The following PPAT variants were observed in gnomAD, a reference collection of about 807,000 sequenced individuals.
PPAT encodes the protein amidophosphoribosyltransferase.
Under a neutral mutation model 60.2 loss-of-function variants are expected in PPAT, and 20 were observed. That is an observed-to-expected ratio of 0.33 (90% CI 0.23 to 0.48). The LOEUF is 0.48. PPAT is among the 20% of genes least tolerant of loss of function. PPAT has a pLI of 0.99. For missense variants in PPAT, 349 were observed against 629.6 expected (o/e 0.55, Z 4.77); for synonymous variants, 194 against 215.1 (o/e 0.90, Z 0.86).
chr4:56,418,976 C>CT (rs1225813643), intron 1 of PPAT, among the ~76,000 whole-genome samples: 1 of 152,166 alleles, frequency 6.6e-6, no homozygotes, highest in African/African-American at 2.4e-5. Context: ...TGGCTTTAGT[C>CT]TTTCTGTAAT....
intron 1 of PPAT, among the ~76,000 whole-genome samples, chr4:56,434,735 CATTTA>C (rs1382821986): frequency 3.3e-5 from 5 of 152,066 alleles, no homozygotes; most frequent in African/African-American, 1.2e-4. Flanking sequence ...GGCTTATTTC[CATTTA>C]ATTTATGTGA....
rs1272747762 is a variant in PPAT at position 56,394,017 on chromosome 4, A to G, written c.*1335T>C. The G allele has an allele frequency of 6.6e-6, 1 of 152,232 alleles. No individual in the cohort carries two copies. Among genetic ancestry groups the G allele is most frequent in the African/African-American group, 2.4e-5 (1 of 41,456 alleles). The allele number at this position is 152,232 out of a possible 1,614,324, so 9.4% of individuals were successfully genotyped here. On this transcript the variant is annotated 3_prime_UTR_variant, in exon 11 of 11. Transcript: ENST00000264220. ...GACAAACAGTTTCAGTTATTAATAA[A>G]TATTAAATTTCTAAATGGATCTGGA...
chr4:56,432,973 C>CAT (rs200791013), intron 1 of PPAT, among the ~76,000 whole-genome samples: 3,191 of 127,494 alleles, frequency 0.025, 90 homozygotes, highest in African/African-American at 0.09. Context: ...TATATATATA[C>CAT]ATATATACAT....
intron 3 of PPAT, among the ~76,000 whole-genome samples, chr4:56,406,157 C>G (rs1428285888): frequency 6.6e-6 from 1 of 152,176 alleles, no homozygotes; most frequent in East Asian, 1.9e-4. Flanking sequence ...CTCATACAAG[C>G]TTTGAACATA....
chr4:56,409,245 G>A (rs1006864310), intron 1 of PPAT, among the ~76,000 whole-genome samples: 6 of 152,152 alleles, frequency 3.9e-5, no homozygotes, highest in African/African-American at 1.4e-4. Context: ...CAGACAGCAG[G>A]TGGTAGCCAG....
intron 1 of PPAT, among the ~76,000 whole-genome samples, chr4:56,413,811 C>T (rs1056075692): frequency 3.9e-5 from 6 of 152,080 alleles, no homozygotes; most frequent in African/African-American, 1.4e-4. Context: ...ACAGGAGAAT[C>T]GCTTGAACCC....
intron 1 of PPAT, among the ~76,000 whole-genome samples, chr4:56,417,835 G>GTTTTTTTTTTTTTTTTTTTTTTTTTTTT (rs1207160039): frequency 9.8e-6 from 1 of 102,528 alleles, no homozygotes; most frequent in African/African-American, 3.5e-5. Flanking sequence ...TGAAGATTTG[G>GTTTTTTTTTTTTTTTTTTTTTTTTTTTT]TTTTTTGTTT....
In PPAT at chr4:56,401,388, T is replaced by C; in HGVS notation, c.828A>G (p.Pro276=). The change falls in exon 7 of 11, where the codon CCA becomes CCG. Residue 276 remains proline, a synonymous_variant. Transcript: ENST00000264220. ...LDIISRSEGN[P]VAFCIFEYVY... is the part of the protein sequence containing the mutation. ...CATATTCAAAGATACAAAAAGCCACTGGGTTTCCTTCAGACCTTGATATAA... is the reference window on the plus strand; with the variant it reads ...CATATTCAAAGATACAAAAAGCCACCGGGTTTCCTTCAGACCTTGATATAA... 1 of 1,608,940 alleles carries C rather than the reference T, an allele frequency of 6.2e-7. No individual in the cohort carries two copies. The highest frequency in any genetic ancestry group is 8.5e-7 in the Non-Finnish European group (1 of 1,177,798).
rs1716108636 is a variant in PPAT, at chr4:56,401,356, A to G, written c.860T>C (p.Phe287Ser). Residue 287 changes from phenylalanine to serine, a missense_variant, in exon 7 of 11, where the codon TTT becomes TCT. Coordinates refer to ENST00000264220, the MANE Select transcript of PPAT (RefSeq NM_002703.5). Reference protein sequence around the residue: ...VAFCIFEYVYFARPDSMFEDQ... With the variant: ...VAFCIFEYVYSARPDSMFEDQ... The stretch of plus-strand genomic sequence containing the variant: ...TTCGAACATACTGTCTGGTCTTGCA[A>G]AATAAACATATTCAAAGATACAAAA... 1 of 1,601,670 alleles carries G rather than the reference A, an allele frequency of 6.2e-7. No individual in the cohort carries two copies. Among genetic ancestry groups the G allele is most frequent in the Non-Finnish European group, 8.5e-7 (1 of 1,175,538 alleles).
chr4:56,434,140 A>C (rs1030027005), intron 1 of PPAT, among the ~76,000 whole-genome samples: 2 of 152,234 alleles, frequency 1.3e-5, no homozygotes, highest in Admixed American at 1.3e-4. Flanking sequence ...CAATTATCCA[A>C]GATTGGAGCT....
At chr4:56,432,941 A>T (rs1168424413) in intron 1 of PPAT, among the ~76,000 whole-genome samples, 1 of 151,278 alleles carries the variant, frequency 6.6e-6, no homozygotes, top group African/African-American at 2.4e-5. Context: ...TCTGCAACAG[A>T]CCACCACTTC....
chr4:56,426,756 A>G (rs1688707812), intron 1 of PPAT, among the ~76,000 whole-genome samples: 1 of 152,114 alleles, frequency 6.6e-6, no homozygotes, highest in Admixed American at 6.6e-5. Flanking sequence ...TTTTTTTCCC[A>G]TTTTGGTAAA....
At chr4:56,399,438 A>G in intron 8 of PPAT, 38 bp from the exon 9 acceptor site, 1 of 1,472,918 alleles carries the variant, frequency 6.8e-7, no homozygotes, top group East Asian at 2.3e-5. Context: ...GAGGAGTAAT[A>G]TACAGAATAG....
rs1214037590 is a variant in PPAT, at chr4:56,396,381, C to T, written c.1357+238G>A. 1 of 310,548 alleles carries T rather than the reference C, an allele frequency of 3.2e-6. No individual in the cohort carries two copies. The highest frequency in any genetic ancestry group is 2.2e-5 in the African/African-American group (1 of 46,172). 19.2% of individuals were successfully genotyped at this position (310,548 alleles called of 1,614,324 possible). A position where few individuals can be genotyped will look rare whatever the true frequency, so the allele number is the denominator to read the frequency against. ...TGATTATGATTGCACTTCCCTCCAC[C>T]TGGAAACCACCTCTTCCTTCTCTGA... is the stretch of plus-strand genomic sequence containing the variant. On this transcript the variant is annotated intron_variant, in intron 10 of 10. Coordinates refer to ENST00000264220, the MANE Select transcript of PPAT (RefSeq NM_002703.5). This position sits in a 1 kb window ranked among gnomAD's most constrained non-coding sequence, Gnocchi z 4.6.
chr4:56,432,803 ATC>A (rs1344450262), intron 1 of PPAT, among the ~76,000 whole-genome samples: 65 of 140,604 alleles, frequency 4.6e-4, no homozygotes, highest in South Asian at 4.5e-3. Flanking sequence ...AAAAAAAAAA[ATC>A]AAGAAGATAA....
intron 1 of PPAT, among the ~76,000 whole-genome samples, chr4:56,425,930 C>T (rs1189339101): frequency 6.6e-6 from 1 of 152,216 alleles, no homozygotes; most frequent in Non-Finnish European, 1.5e-5. Flanking sequence ...CTGCATTAAC[C>T]TCTACACTTG....
chr4:56,405,477 G>C (rs1716221529), intron 3 of PPAT, among the ~76,000 whole-genome samples: 2 of 152,208 alleles, frequency 1.3e-5, no homozygotes, highest in South Asian at 4.1e-4. Flanking sequence ...CTAGTTGCCA[G>C]GGGAATCAAC....
chr4:56,397,421 A>G (rs1305492751), intron 9 of PPAT, among the ~76,000 whole-genome samples: 1 of 152,216 alleles, frequency 6.6e-6, no homozygotes, highest in Non-Finnish European at 1.5e-5. Flanking sequence ...ACAGGTATAA[A>G]AAAGGCTGGA....
chr4:56,400,652 TA>T, intron 8 of PPAT, 131 bp downstream of exon 8: 1 of 1,036,326 alleles, frequency 9.6e-7, no homozygotes, highest in Non-Finnish European at 1.3e-6. Context: ...AAAACGCTTG[TA>T]AACAAACCAA....
Sources: allele counts gnomAD v4.1 joint callset (sites outside exome capture counted in the v4.1 genomes callset), GRCh38; gene constraint gnomAD v4.1.1; non-coding constraint Gnocchi (gnomAD v3.1); transcripts MANE v1.5; gene names NCBI Gene and HGNC (gene_info 2026-07-23, HGNC 2026-07-21).